The following DLGAP2 variants were observed in gnomAD, a reference collection of about 807,000 sequenced individuals.
DLGAP2 encodes the protein DLG associated protein 2, also known as disks large-associated protein 2.
Under a neutral mutation model 100.3 loss-of-function variants are expected in DLGAP2, and 26 were observed. The observed-to-expected ratio is 0.26, with a 90% CI of 0.19 to 0.36. The LOEUF (loss-of-function observed/expected upper bound fraction) is 0.36. Ranked by LOEUF, DLGAP2 falls within the 10% of genes least tolerant of loss-of-function variation. The pLI is 1.00. For synonymous variants in DLGAP2, 886 were observed against 630.1 expected, an observed-to-expected ratio of 1.41 and a Z score of -6.08; for missense variants, 1,858 against 1,453.2, an observed-to-expected ratio of 1.28 and a Z score of -4.53.
At chr8:1,408,785 A>G (rs987142195) in intron 3 of DLGAP2, among the ~76,000 whole-genome samples, 15 of 152,162 alleles carry the variant, frequency 9.9e-5, no homozygotes, top group African/African-American at 3.6e-4. Flanking sequence ...TACCACCAAG[A>G]GACCCTTCGT....
intron 2 of DLGAP2, among the ~76,000 whole-genome samples, chr8:1,053,359 A>G (rs528955774): frequency 6.6e-6 from 1 of 152,262 alleles, no homozygotes; most frequent in South Asian, 2.1e-4. Context: ...TGCTTCCTAC[A>G]CAGGCAGTAC....
At chr8:1,453,209 G>A (rs1391848662) in intron 3 of DLGAP2, among the ~76,000 whole-genome samples, 1 of 152,236 alleles carries the variant, frequency 6.6e-6, no homozygotes, top group African/African-American at 2.4e-5. Flanking sequence ...AAGGTCTTAG[G>A]CACACAGTTC....
chr8:1,258,657 G>A (rs1480683402), intron 2 of DLGAP2, among the ~76,000 whole-genome samples, 194 bp from the exon 3 acceptor site: 1 of 152,106 alleles, frequency 6.6e-6, no homozygotes, highest in African/African-American at 2.4e-5. Context: ...ATTTGCCAAG[G>A]GTAGCTTTTG....
intron 3 of DLGAP2, among the ~76,000 whole-genome samples, chr8:1,355,941 A>G (rs1801839270): frequency 6.6e-6 from 1 of 152,190 alleles, no homozygotes. Flanking sequence ...CAATTCAAGT[A>G]CATGCGTGTT....
At chr8:1,180,145 C>G (rs1012449476) in intron 2 of DLGAP2, among the ~76,000 whole-genome samples, 3 of 152,318 alleles carry the variant, frequency 2.0e-5, no homozygotes, top group Non-Finnish European at 4.4e-5. Context: ...TGAACTTCCT[C>G]CTTTTCCAAA....
In DLGAP2 at chr8:972,773, G is replaced by T. The variant is rs191475471; in HGVS notation, c.73+64807G>T. Among the ~76,000 whole-genome samples the T allele has an allele frequency of 9.8e-3, 1,488 of 152,214 alleles. 31 individuals are homozygous for T. The highest frequency in any genetic ancestry group is 0.034 in the African/African-American group (1,422 of 41,536). The stretch of plus-strand genomic sequence containing the variant: ...TAGGCAGAGGACCCTGCGGCCTTCC[G>T]CGGTGTTTGTGTCCCTGGGTACTTG... On this transcript the variant is annotated intron_variant, in intron 2 of 14. Coordinates refer to ENST00000637795, the MANE Select transcript of DLGAP2 (RefSeq NM_001346810.2).
At chr8:794,405 A>G (rs1277710230) in intron 1 of DLGAP2, among the ~76,000 whole-genome samples, 7 of 152,126 alleles carry the variant, frequency 4.6e-5, no homozygotes, top group Non-Finnish European at 1.0e-4. Context: ...CCAAACAGAG[A>G]TTTACCTGCA....
At chr8:1,197,370 A>G (rs768855513) in intron 2 of DLGAP2, among the ~76,000 whole-genome samples, 1 of 152,252 alleles carries the variant, frequency 6.6e-6, no homozygotes, top group Non-Finnish European at 1.5e-5. Context: ...CCTTGTCTCA[A>G]TACCTGAGCC....
At chr8:849,269 T>C (rs1156828815) in intron 1 of DLGAP2, among the ~76,000 whole-genome samples, 1 of 152,156 alleles carries the variant, frequency 6.6e-6, no homozygotes, top group East Asian at 1.9e-4. Flanking sequence ...CAGCATAGGA[T>C]CACACAGAGT....
At chr8:909,020 C>G (rs1241043866) in intron 2 of DLGAP2, among the ~76,000 whole-genome samples, 1 of 152,096 alleles carries the variant, frequency 6.6e-6, no homozygotes, top group Non-Finnish European at 1.5e-5. Context: ...AGTAAAACAC[C>G]AGGTGTATTG....
chr8:882,838 G>A (rs1220474698), intron 1 of DLGAP2, among the ~76,000 whole-genome samples: 2 of 152,228 alleles, frequency 1.3e-5, no homozygotes, highest in East Asian at 1.9e-4. Flanking sequence ...TTTCCTCTCC[G>A]TTCCCCTCCG....
At chr8:1,411,209 T>A (rs988032244) in intron 3 of DLGAP2, among the ~76,000 whole-genome samples, 1 of 152,150 alleles carries the variant, frequency 6.6e-6, no homozygotes, top group African/African-American at 2.4e-5. Context: ...TTGCAATAAT[T>A]TGGTCTGAAA....
At chr8:1,004,289 A>C (rs1801044058) in intron 2 of DLGAP2, among the ~76,000 whole-genome samples, 2 of 152,348 alleles carry the variant, frequency 1.3e-5, no homozygotes, top group African/African-American at 4.8e-5. Context: ...CAAGCGTGAC[A>C]GAAACCTCCC....
At chr8:1,181,199 C>T (rs1208804498) in intron 2 of DLGAP2, among the ~76,000 whole-genome samples, 1 of 136,996 alleles carries the variant, frequency 7.3e-6, no homozygotes, top group Non-Finnish European at 1.6e-5. Context: ...TGTGCAAGGG[C>T]AGTACACTTA....
At chr8:1,183,627 C>T (rs750755816) in intron 2 of DLGAP2, among the ~76,000 whole-genome samples, 1 of 152,192 alleles carries the variant, frequency 6.6e-6, no homozygotes, top group Non-Finnish European at 1.5e-5. Flanking sequence ...GGAGGCACCG[C>T]TCCTGGCTTG....
At chr8:881,262 T>C (rs980316755) in intron 1 of DLGAP2, among the ~76,000 whole-genome samples, 1 of 152,234 alleles carries the variant, frequency 6.6e-6, no homozygotes, top group Non-Finnish European at 1.5e-5. Context: ...AGAGTAGTCA[T>C]ACATCTACAT....
chr8:1,358,018 T>A (rs888245248), intron 3 of DLGAP2, among the ~76,000 whole-genome samples: 1 of 151,926 alleles, frequency 6.6e-6, no homozygotes, highest in Admixed American at 6.6e-5. Context: ...ACAAACCAAA[T>A]GGAGGAAGGA....
intron 2 of DLGAP2, among the ~76,000 whole-genome samples, chr8:1,157,947 G>T (rs1008845247): frequency 1.3e-5 from 2 of 152,200 alleles, no homozygotes; most frequent in African/African-American, 4.8e-5. Context: ...ACTGTTCACT[G>T]TGCCTTCAAG....
At chr8:1,498,453 A>C (rs1174505480) in intron 3 of DLGAP2, among the ~76,000 whole-genome samples, 4 of 152,210 alleles carry the variant, frequency 2.6e-5, no homozygotes, top group African/African-American at 9.6e-5. Context: ...GATGTGCCCG[A>C]GTCAGGTTGG....
Sources: gnomAD v4.1 joint callset for allele counts (sites outside exome capture counted in the v4.1 genomes callset) on GRCh38, gnomAD v4.1.1 for gene constraint, MANE v1.5 for transcripts, NCBI Gene and HGNC (gene_info 2026-07-23, HGNC 2026-07-21) for gene names.